Variants in PLPPR1 observed in about 807,000 individuals in gnomAD.
The protein encoded by PLPPR1 is phospholipid phosphatase related 1.
PLPPR1 carries 10 observed loss-of-function variants against 33.1 expected under a neutral mutation model. The observed-to-expected ratio is 0.30, with a 90% CI of 0.19 to 0.51. The LOEUF (loss-of-function observed/expected upper bound fraction) is 0.51. Ranked by LOEUF, PLPPR1 falls within the 20% of genes least tolerant of loss-of-function variation. PLPPR1 has a pLI of 0.97. For synonymous variants in PLPPR1, 151 were observed against 151.0 expected, an observed-to-expected ratio of 1.00 and a Z score of 0.00; for missense variants, 304 against 408.1, an observed-to-expected ratio of 0.74 and a Z score of 2.20.
In PLPPR1 at chr9:101,252,814, G is replaced by GT. The variant is rs753449845; in HGVS notation, c.64-17056dup. On this transcript the variant is annotated intron_variant, in intron 2 of 7. Transcript: ENST00000374874. ...AGGAAATGCTTACCATGTTTCCTAAGTTTTTTTTTTAATTGATTTGTTCCA... is the reference window on the plus strand; with the variant it reads ...AGGAAATGCTTACCATGTTTCCTAAGTTTTTTTTTTTAATTGATTTGTTCCA... Among the ~76,000 whole-genome samples, 15 of 149,176 alleles carry GT rather than the reference G, an allele frequency of 1.0e-4. No individual in the cohort carries two copies. The East Asian group carries it at 1.4e-3, about 14-fold the overall frequency.
intron 4 of PLPPR1, among the ~76,000 whole-genome samples, chr9:101,303,553 G>C (rs926645189): frequency 6.6e-6 from 1 of 151,580 alleles, no homozygotes; most frequent in Non-Finnish European, 1.5e-5. Context: ...CGCCTGCCTC[G>C]GCCTCCCAAA....
At chr9:101,262,221 A>G (rs906250237) in intron 2 of PLPPR1, among the ~76,000 whole-genome samples, 1 of 152,210 alleles carries the variant, frequency 6.6e-6, no homozygotes, top group African/African-American at 2.4e-5. Flanking sequence ...GATAATCTGA[A>G]GCATTAGGTA....
At chr9:101,135,346 A>C (rs1216754142) in intron 1 of PLPPR1, among the ~76,000 whole-genome samples, 2 of 152,194 alleles carry the variant, frequency 1.3e-5, no homozygotes, top group East Asian at 3.9e-4. Context: ...GATGGCTTAG[A>C]ATCAGGTATT....
chr9:101,284,815 A>G (rs1828363508), intron 3 of PLPPR1, among the ~76,000 whole-genome samples: 1 of 152,228 alleles, frequency 6.6e-6, no homozygotes. Context: ...TAAAACATTA[A>G]TAAATTTTCT....
chr9:101,320,046 T>C (rs1829125722), intron 7 of PLPPR1, among the ~76,000 whole-genome samples: 1 of 152,196 alleles, frequency 6.6e-6, no homozygotes, highest in African/African-American at 2.4e-5. Context: ...CAGACTCTAT[T>C]TTGAGGGATT....
intron 2 of PLPPR1, among the ~76,000 whole-genome samples, chr9:101,203,364 G>T (rs183080106): frequency 8.7e-4 from 133 of 152,222 alleles, no homozygotes; most frequent in African/African-American, 2.9e-3. Context: ...CTTAGGGGGG[G>T]AAAAAGACTT....
At position 101,137,438 on chromosome 9, in the gene PLPPR1, G is replaced by T. The variant is rs142380947; in HGVS notation, c.-45-48012G>T. Among the ~76,000 whole-genome samples, 978 of 152,318 alleles carry T rather than the reference G, an allele frequency of 6.4e-3. 14 individuals are homozygous for T. The highest frequency in any genetic ancestry group is 0.032 in the East Asian group (165 of 5,188). On this transcript the variant is annotated intron_variant, in intron 1 of 7. Coordinates refer to ENST00000374874, the MANE Select transcript of PLPPR1 (RefSeq NM_207299.2). ...ATGGAAGAAGGAAAGATTAAAACAG[G>T]AGAATGTAAAGTATAGTTAGGGACA...
chr9:101,123,484 C>T lies in PLPPR1; in HGVS notation c.-45-61966C>T, dbSNP rs184551354. Among the ~76,000 whole-genome samples, 390 of 152,086 alleles carry T rather than the reference C, an allele frequency of 2.6e-3. 2 individuals are homozygous for T. The highest frequency in any genetic ancestry group is 4.6e-3 in the Non-Finnish European group (311 of 68,004). On this transcript the variant is annotated intron_variant, in intron 1 of 7. Coordinates refer to ENST00000374874, the MANE Select transcript of PLPPR1 (RefSeq NM_207299.2). Reference sequence around the variant, plus strand: ...AGGTCGTGGGGGTGATGAAGTCTGGCGGAGTCAAAGGATTGAGAAAAAGAC... The same window carrying T: ...AGGTCGTGGGGGTGATGAAGTCTGGTGGAGTCAAAGGATTGAGAAAAAGAC...
At chr9:101,312,565 G>C (rs889299460) in intron 5 of PLPPR1, among the ~76,000 whole-genome samples, 2 of 152,176 alleles carry the variant, frequency 1.3e-5, no homozygotes, top group Admixed American at 6.5e-5. Context: ...ATGTCCACTA[G>C]ATTACAAAAG....
At chr9:101,295,581 A>G (rs1193332332) in intron 4 of PLPPR1, among the ~76,000 whole-genome samples, 2 of 150,060 alleles carry the variant, frequency 1.3e-5, no homozygotes, top group African/African-American at 4.8e-5. Context: ...CCAAAACAGC[A>G]TGGTACTGGT....
At chr9:101,245,050 G>A (rs1487491810) in intron 2 of PLPPR1, among the ~76,000 whole-genome samples, 1 of 151,934 alleles carries the variant, frequency 6.6e-6, no homozygotes, top group African/African-American at 2.4e-5. Flanking sequence ...GAGTAGTTAA[G>A]AATTCTAAAA....
intron 1 of PLPPR1, among the ~76,000 whole-genome samples, chr9:101,101,104 C>T (rs1830892695): frequency 6.6e-6 from 1 of 152,068 alleles, no homozygotes; most frequent in South Asian, 2.1e-4. Flanking sequence ...AGCATTTGCT[C>T]TGTGTTATAA....
intron 1 of PLPPR1, among the ~76,000 whole-genome samples, chr9:101,050,271 TCCTCAA>T (rs1830204946): frequency 6.6e-6 from 1 of 152,180 alleles, no homozygotes; most frequent in Non-Finnish European, 1.5e-5. Context: ...ATTTGATTTT[TCCTCAA>T]TGTCTTTTTT....
At chr9:101,042,209 C>T (rs2118421554) in intron 1 of PLPPR1, among the ~76,000 whole-genome samples, 1 of 152,252 alleles carries the variant, frequency 6.6e-6, no homozygotes, top group African/African-American at 2.4e-5. Flanking sequence ...GAGGAGAGAA[C>T]TCCACATAGC....
intron 2 of PLPPR1, among the ~76,000 whole-genome samples, chr9:101,224,388 T>A (rs1827016066): frequency 6.6e-6 from 1 of 152,210 alleles, no homozygotes; most frequent in Non-Finnish European, 1.5e-5. Flanking sequence ...TCCATTTTGA[T>A]GACTTTGAAT....
chr9:101,248,861 C>G (rs1349307228), intron 2 of PLPPR1, among the ~76,000 whole-genome samples: 1 of 152,040 alleles, frequency 6.6e-6, no homozygotes, highest in Non-Finnish European at 1.5e-5. Context: ...GGCATTCCTT[C>G]TAAATATAAA....
At chr9:101,207,841 A>G (rs1426505160) in intron 2 of PLPPR1, among the ~76,000 whole-genome samples, 3 of 152,216 alleles carry the variant, frequency 2.0e-5, no homozygotes, top group Non-Finnish European at 4.4e-5. Flanking sequence ...GAAGGAGATT[A>G]TAAGAGAACT....
At chr9:101,129,701 G>A (rs1831292325) in intron 1 of PLPPR1, among the ~76,000 whole-genome samples, 1 of 152,112 alleles carries the variant, frequency 6.6e-6, no homozygotes, top group South Asian at 2.1e-4. Context: ...TGTGGTGGCG[G>A]GCGCCTGTAG....
At chr9:101,084,853 G>C (rs1460125391) in intron 1 of PLPPR1, among the ~76,000 whole-genome samples, 2 of 152,178 alleles carry the variant, frequency 1.3e-5, no homozygotes, top group Non-Finnish European at 2.9e-5. Flanking sequence ...CAGTGTGACA[G>C]GGCCTGAGTC....
Sources: allele counts gnomAD v4.1 joint callset (sites outside exome capture counted in the v4.1 genomes callset), GRCh38; gene constraint gnomAD v4.1.1; transcripts MANE v1.5; gene names NCBI Gene and HGNC (gene_info 2026-07-23, HGNC 2026-07-21).